Variants in SCRT2 observed in about 807,000 individuals in gnomAD.
SCRT2 encodes the protein scratch family transcriptional repressor 2, also known as transcriptional repressor scratch 2.
SCRT2 carries 2 observed loss-of-function variants against 3.7 expected under a neutral mutation model. That is an observed-to-expected ratio of 0.54 (90% CI 0.22 to 1.70). The LOEUF (loss-of-function observed/expected upper bound fraction) is 1.70. Ranked by LOEUF, SCRT2 falls within the 40% of genes most tolerant of loss-of-function variation. The probability of loss-of-function intolerance (pLI) is 0.19; values close to 1 mark genes in which losing one functional copy is unlikely to be tolerated. For synonymous variants in SCRT2, 256 were observed against 220.6 expected, an observed-to-expected ratio of 1.16 and a Z score of -1.42; for missense variants, 456 against 468.5, an observed-to-expected ratio of 0.97 and a Z score of 0.25.
Position 666,414 on chromosome 20 carries a change from G to A in SCRT2, c.134-1953C>T, listed in dbSNP as rs1984157278. 6.6e-6 allele frequency among the ~76,000 whole-genome samples: 1 copy of A among 152,098 alleles called. No homozygotes were observed. The highest frequency in any genetic ancestry group is 2.4e-5 in the African/African-American group (1 of 41,398). On this transcript the variant is annotated intron_variant, in intron 1 of 1. Coordinates refer to ENST00000246104, the MANE Select transcript of SCRT2 (RefSeq NM_033129.4). This position sits in a 1 kb window ranked among gnomAD's most constrained non-coding sequence, Gnocchi z 4.4. ...TCCTTCTCCTTCTGTATTTCCTCAC[G>A]TTGTAATTCCTGGTGATGATAATAA... is the stretch of plus-strand genomic sequence containing the variant.
At chr20:673,531 G>A (rs1984412151) in intron 1 of SCRT2, among the ~76,000 whole-genome samples, 1 of 152,214 alleles carries the variant, frequency 6.6e-6, no homozygotes, top group Non-Finnish European at 1.5e-5. Flanking sequence ...TGAGAGGTGA[G>A]GGAGTTGGTC....
At chr20:673,650 C>A (rs1568658649) in intron 1 of SCRT2, among the ~76,000 whole-genome samples, 1 of 152,202 alleles carries the variant, frequency 6.6e-6, no homozygotes, top group Non-Finnish European at 1.5e-5. Context: ...GCCCTGCTTC[C>A]CACTATTCAC....
Position 665,842 on chromosome 20 carries a change from C to T in SCRT2, c.134-1381G>A, listed in dbSNP as rs1041787646. On this transcript the variant is annotated intron_variant, in intron 1 of 1. Transcript: ENST00000246104. The surrounding 1 kb of genome is among the most constrained non-coding windows in gnomAD (Gnocchi z 5.0). ...ACCCCTGAGACCTGTAACCACTCCT[C>T]CTTCCCTCCTCCCCTAGCCTCCTTC... 5.3e-5 allele frequency among the ~76,000 whole-genome samples: 8 copies of T among 152,186 alleles called. No individual in the cohort carries two copies. Among genetic ancestry groups the T allele is most frequent in the African/African-American group, 1.4e-4 (6 of 41,436 alleles).
chr20:664,693 G>T lies in SCRT2; in HGVS notation c.134-232C>A, dbSNP rs1161443532. On this transcript the variant is annotated intron_variant, in intron 1 of 1. Coordinates refer to ENST00000246104, the MANE Select transcript of SCRT2 (RefSeq NM_033129.4). The surrounding 1 kb of genome is among the most constrained non-coding windows in gnomAD (Gnocchi z 7.9). The stretch of plus-strand genomic sequence containing the variant: ...CCCCAACCCACGGAGCATGGGGCCA[G>T]CACGGTTGTACAGAGCGTACCTTCA... 6.6e-6 allele frequency among the ~76,000 whole-genome samples: 1 copy of T among 152,230 alleles called. No homozygotes were observed. The highest frequency in any genetic ancestry group is 1.5e-5 in the Non-Finnish European group (1 of 68,042).
chr20:664,202 G>GC lies in SCRT2; in HGVS notation c.392dup (p.Ser132LeufsTer258). On this transcript the variant is annotated frameshift_variant, in exon 2 of 2. Transcript: ENST00000246104. LOFTEE classifies it low-confidence loss of function (END_TRUNC). This position sits in a 1 kb window ranked among gnomAD's most constrained non-coding sequence, Gnocchi z 7.9. ...CCCCGGCGCCCCCCGCGTCTCCCGA[G>GC]CCCCCCGCGTCCCCGCCGCCCCCGC... 1.7e-6 allele frequency: 2 copies of GC among 1,153,122 alleles called. No individual in the cohort carries two copies. Among genetic ancestry groups the GC allele is most frequent in the Non-Finnish European group, 2.1e-6 (2 of 936,822 alleles). 71.4% of individuals were successfully genotyped at this position (1,153,122 alleles called of 1,614,324 possible).
Position 665,453 on chromosome 20 carries a change from A to T in SCRT2, c.134-992T>A, listed in dbSNP as rs868816688. ...GCTCTAGAAGTCGTCGGAAGTCCGC[A>T]GTGAGAATTCCCCTCCCCCTCCTCC... is the stretch of plus-strand genomic sequence containing the variant. On this transcript the variant is annotated intron_variant, in intron 1 of 1. Transcript: ENST00000246104. The surrounding 1 kb of genome is among the most constrained non-coding windows in gnomAD (Gnocchi z 5.0). Among the ~76,000 whole-genome samples the T allele has an allele frequency of 3.3e-5, 5 of 152,212 alleles. No homozygotes were observed. Among genetic ancestry groups the T allele is most frequent in the Non-Finnish European group, 7.4e-5 (5 of 68,024 alleles).
At position 675,320 on chromosome 20, in the gene SCRT2, T is replaced by C. The variant is rs1984492838; in HGVS notation, c.133+149A>G. ...GCCCCTGCCCCGCCCGCACGGCCCT[T>C]GGAAAGCCCGGGAGGAGCCCACGGC... On this transcript the variant is annotated intron_variant, in intron 1 of 1. Coordinates refer to ENST00000246104, the MANE Select transcript of SCRT2 (RefSeq NM_033129.4). The surrounding 1 kb of genome is among the most constrained non-coding windows in gnomAD (Gnocchi z 6.9). The C allele has an allele frequency of 5.9e-6, 4 of 683,386 alleles. No homozygotes were observed. The highest frequency in any genetic ancestry group is 1.9e-5 in the African/African-American group (1 of 53,764). 42.3% of individuals were successfully genotyped at this position (683,386 alleles called of 1,614,324 possible).
rs1984126159 is a variant in SCRT2 at position 665,424 on chromosome 20, G to A, written c.134-963C>T. 1.3e-5 allele frequency among the ~76,000 whole-genome samples: 2 copies of A among 152,204 alleles called. No homozygotes were observed. The highest frequency in any genetic ancestry group is 4.8e-5 in the African/African-American group (2 of 41,452). ...GGGACTTCCTCGCACCTGCTCCCAAGCCTGCTCTAGAAGTCGTCGGAAGTC... is the reference window on the plus strand; with the variant it reads ...GGGACTTCCTCGCACCTGCTCCCAAACCTGCTCTAGAAGTCGTCGGAAGTC... On this transcript the variant is annotated intron_variant, in intron 1 of 1. Coordinates refer to ENST00000246104, the MANE Select transcript of SCRT2 (RefSeq NM_033129.4). This position sits in a 1 kb window ranked among gnomAD's most constrained non-coding sequence, Gnocchi z 5.0.
At position 675,352 on chromosome 20, in the gene SCRT2, G is replaced by T. The variant is rs1489675094; in HGVS notation, c.133+117C>A. The T allele has an allele frequency of 2.2e-6, 2 of 888,948 alleles. No homozygotes were observed. Among genetic ancestry groups the T allele is most frequent in the South Asian group, 5.0e-5 (1 of 19,896 alleles). The allele number at this position is 888,948 out of a possible 1,614,324, so 55.1% of individuals were successfully genotyped here. A position where few individuals can be genotyped will look rare whatever the true frequency, so the allele number is the denominator to read the frequency against. ...CCCGGGAGGAGCCCACGGCCAGAGA[G>T]ATCTCCTCCCGGGGGTTTCCTGTCG... On this transcript the variant is annotated intron_variant, in intron 1 of 1. Transcript: ENST00000246104. This position sits in a 1 kb window ranked among gnomAD's most constrained non-coding sequence, Gnocchi z 6.9.
chr20:674,785 G>A (rs1361789515), intron 1 of SCRT2, among the ~76,000 whole-genome samples: 1 of 151,952 alleles, frequency 6.6e-6, no homozygotes, highest in Non-Finnish European at 1.5e-5. Context: ...TTCTGGAGGG[G>A]GTTGAGAAGC....
At chr20:668,487 G>C (rs1313380337) in intron 1 of SCRT2, among the ~76,000 whole-genome samples, 1 of 152,178 alleles carries the variant, frequency 6.6e-6, no homozygotes, top group African/African-American at 2.4e-5. Context: ...AGAGAAAAGA[G>C]AATCTCAGGT....
chr20:669,113 C>T (rs997594845), intron 1 of SCRT2, among the ~76,000 whole-genome samples: 3 of 136,724 alleles, frequency 2.2e-5, no homozygotes, highest in African/African-American at 8.1e-5. Flanking sequence ...TCAAACACTC[C>T]CTAGTTAGCC....
intron 1 of SCRT2, among the ~76,000 whole-genome samples, chr20:671,695 G>A (rs1419583432): frequency 2.6e-5 from 4 of 152,208 alleles, no homozygotes; most frequent in Non-Finnish European, 4.4e-5. Flanking sequence ...AAGCCCATGG[G>A]TAGAAGTAGG....
intron 1 of SCRT2, among the ~76,000 whole-genome samples, chr20:670,280 G>A (rs1430654329): frequency 6.6e-6 from 1 of 152,296 alleles, no homozygotes; most frequent in Admixed American, 6.5e-5. Context: ...CCGGAGACTG[G>A]GTGTGTTGTG....
In SCRT2 at chr20:662,715, C is replaced by A. The variant is rs537407669; in HGVS notation, c.*956G>T. 1.3e-5 allele frequency: 2 copies of A among 152,712 alleles called. No homozygotes were observed. Among genetic ancestry groups the A allele is most frequent in the Non-Finnish European group, 2.9e-5 (2 of 68,088 alleles). 9.5% of individuals were successfully genotyped at this position (152,712 alleles called of 1,614,324 possible). A position where few individuals can be genotyped will look rare whatever the true frequency, so the allele number is the denominator to read the frequency against. On this transcript the variant is annotated 3_prime_UTR_variant, in exon 2 of 2. Transcript: ENST00000246104. The stretch of plus-strand genomic sequence containing the variant: ...GCATTGGCGAGGTGCTCCAGACCTC[C>A]CCCCAACAAGTAAGGAAGGGGATCT...
chr20:673,235 T>C, intron 1 of SCRT2, among the ~76,000 whole-genome samples: 1 of 152,204 alleles, frequency 6.6e-6, no homozygotes, highest in South Asian at 2.1e-4. Flanking sequence ...GTATGTTCAG[T>C]GGAGCCCTAA....
chr20:668,172 C>T (rs56885865), intron 1 of SCRT2, among the ~76,000 whole-genome samples: 72,657 of 147,996 alleles, frequency 0.49, 18,019 homozygotes, highest in African/African-American at 0.63. Context: ...ATTATTGTTA[C>T]TGGTAGTATT....
Position 663,794 on chromosome 20 carries a change from G to A in SCRT2, c.801C>T (p.His267=), listed in dbSNP as rs554669181. 1.9e-4 allele frequency: 296 copies of A among 1,594,556 alleles called. No individual in the cohort carries two copies. The highest frequency in any genetic ancestry group is 2.4e-4 in the Non-Finnish European group (281 of 1,172,720). ...TCTTGTCGCACTGGCGGCAGCGGTA[G>A]TGCTTGAAGGCCGAGTGCGTCTGCA... is the stretch of plus-strand genomic sequence containing the variant. ...AHMQTHSAFK[H]YRCRQCDKSF... is the part of the protein sequence containing the mutation. The change falls in exon 2 of 2, where the codon CAC becomes CAT. Residue 267 remains histidine, a synonymous_variant. Transcript: ENST00000246104. The surrounding 1 kb of genome is among the most constrained non-coding windows in gnomAD (Gnocchi z 6.9).
At chr20:672,604 C>T (rs1039783823) in intron 1 of SCRT2, among the ~76,000 whole-genome samples, 36 of 151,948 alleles carry the variant, frequency 2.4e-4, no homozygotes, top group Middle Eastern at 3.4e-3. Context: ...CCTGCTCCCC[C>T]GACCCAGGTT....
Sources: gnomAD v4.1 joint callset for allele counts (sites outside exome capture counted in the v4.1 genomes callset) on GRCh38, gnomAD v4.1.1 for gene constraint, Gnocchi (gnomAD v3.1) non-coding constraint, MANE v1.5 for transcripts, NCBI Gene and HGNC (gene_info 2026-07-23, HGNC 2026-07-21) for gene names.